The following NEK10 variants were observed in gnomAD, a reference collection of about 807,000 sequenced individuals.
NEK10 encodes the protein NIMA related kinase 10.
A neutral mutation model predicts 159.8 loss-of-function variants in NEK10; 122 were observed. The observed-to-expected ratio is 0.76, with a 90% confidence interval of 0.66 to 0.89. The LOEUF is 0.89. NEK10 is among the 40% of genes least tolerant of loss of function. The pLI, the probability that NEK10 is intolerant of heterozygous loss-of-function variation, is 0.00. For synonymous variants in NEK10, 466 were observed against 457.1 expected (o/e 1.02, Z -0.25); for missense variants, 1,342 against 1,323.1 (o/e 1.01, Z -0.22).
At chr3:27,140,744 A>G (rs1352972735) in intron 31 of NEK10, among the ~76,000 whole-genome samples, 2 of 152,188 alleles carry the variant, frequency 1.3e-5, no homozygotes, top group Non-Finnish European at 2.9e-5. Context: ...TTGCTCGTGG[A>G]TGTATCCCAA....
chr3:27,193,287 A>G (rs1949269213), intron 25 of NEK10, among the ~76,000 whole-genome samples: 1 of 152,194 alleles, frequency 6.6e-6, no homozygotes, highest in Non-Finnish European at 1.5e-5. Flanking sequence ...GGACTACTGA[A>G]AGAGTCTCCT....
At chr3:27,298,206 C>A (rs1477741530) in intron 13 of NEK10, among the ~76,000 whole-genome samples, 1 of 152,156 alleles carries the variant, frequency 6.6e-6, no homozygotes, top group African/African-American at 2.4e-5. Flanking sequence ...CCCCACAATT[C>A]CCACATGTCA....
intron 23 of NEK10, among the ~76,000 whole-genome samples, chr3:27,214,114 A>T (rs893759775): frequency 6.6e-6 from 1 of 152,246 alleles, no homozygotes; most frequent in Non-Finnish European, 1.5e-5. Context: ...AGTTTTAACT[A>T]ATCATCAATC....
intron 30 of NEK10, among the ~76,000 whole-genome samples, chr3:27,153,319 C>CAA (rs34333130): frequency 3.0e-4 from 27 of 90,630 alleles, no homozygotes; most frequent in African/African-American, 6.9e-4. Flanking sequence ...GACTCCATCT[C>CAA]AAAAAAAAAA....
intron 23 of NEK10, among the ~76,000 whole-genome samples, chr3:27,245,424 C>T (rs1006804984): frequency 1.3e-5 from 2 of 152,266 alleles, no homozygotes; most frequent in Non-Finnish European, 1.5e-5. Flanking sequence ...CAAGGCTAGC[C>T]CCAATCGGGC....
chr3:27,108,291 T>TGA lies in NEK10; in HGVS notation c.*2979_*2980dup, dbSNP rs1263732488. Among the ~76,000 whole-genome samples, 2 of 152,208 alleles carry TGA rather than the reference T, an allele frequency of 1.3e-5. No individual in the cohort carries two copies. The highest frequency in any genetic ancestry group is 2.9e-5 in the Non-Finnish European group (2 of 68,034). ...AACAAGCAGCATTTCTCTAGGTTTC[T>TGA]GAAATTCATCCACAAGCAGTGGGTC... On this transcript the variant is annotated 3_prime_UTR_variant, in exon 36 of 36. Coordinates refer to ENST00000691995, the MANE Select transcript of NEK10 (RefSeq NM_001394966.1).
At chr3:27,261,485 G>A (rs2040408188) in intron 22 of NEK10, among the ~76,000 whole-genome samples, 1 of 152,196 alleles carries the variant, frequency 6.6e-6, no homozygotes, top group South Asian at 2.1e-4. Flanking sequence ...TATGTACCCA[G>A]GAGTCATTCA....
rs1939018318 is a variant in NEK10 at position 27,106,645 on chromosome 3, C to T, written c.*4627G>A. On this transcript the variant is annotated 3_prime_UTR_variant, in exon 36 of 36. Coordinates refer to ENST00000691995, the MANE Select transcript of NEK10 (RefSeq NM_001394966.1). Reference sequence around the variant, plus strand: ...ACAGTCTGCCTTAAAGGTGCCAAGGCCTTAAAGCAGTTGTTCCTCTTGGTT... The same window carrying T: ...ACAGTCTGCCTTAAAGGTGCCAAGGTCTTAAAGCAGTTGTTCCTCTTGGTT... Among the ~76,000 whole-genome samples the T allele has an allele frequency of 6.6e-6, 1 of 152,150 alleles. No homozygotes were observed. Among genetic ancestry groups the T allele is most frequent in the Admixed American group, 6.5e-5 (1 of 15,270 alleles).
rs1575664948 is a variant in NEK10 at position 27,305,077 on chromosome 3, T to C, written c.804-106A>G. On this transcript the variant is annotated intron_variant, in intron 11 of 35. Transcript: ENST00000691995. Reference sequence around the variant, plus strand: ...GTGCATGAAATATAACCCTAACATTTTGTAAGTCATGGGTCAATGTGCCAT... The same window carrying C: ...GTGCATGAAATATAACCCTAACATTCTGTAAGTCATGGGTCAATGTGCCAT... 6.9e-6 allele frequency: 5 copies of C among 719,460 alleles called. No individual in the cohort carries two copies. The East Asian group carries it at 1.1e-4, about 16-fold the overall frequency. The allele number at this position is 719,460 out of a possible 1,614,324, so 44.6% of individuals were successfully genotyped here.
chr3:27,229,615 T>C (rs1025023555), intron 23 of NEK10, among the ~76,000 whole-genome samples: 2 of 152,040 alleles, frequency 1.3e-5, no homozygotes, highest in African/African-American at 4.8e-5. Flanking sequence ...CATAAAGAAA[T>C]TTTTTTAATC....
At chr3:27,325,788 G>C (rs1028536033) in intron 5 of NEK10, among the ~76,000 whole-genome samples, 10 of 152,162 alleles carry the variant, frequency 6.6e-5, no homozygotes, top group African/African-American at 2.4e-4. Context: ...CTGGCTCTGT[G>C]GAGAGATGTT....
chr3:27,312,286 T>A, intron 7 of NEK10, 109 bp from the exon 8 acceptor site: 1 of 567,056 alleles, frequency 1.8e-6, no homozygotes. Flanking sequence ...GCAAAACAGA[T>A]TCATCAAATA....
At chr3:27,277,051 TA>T (rs2041824468) in intron 22 of NEK10, among the ~76,000 whole-genome samples, 1 of 152,148 alleles carries the variant, frequency 6.6e-6, no homozygotes, top group Non-Finnish European at 1.5e-5. Flanking sequence ...TCTTTAACAG[TA>T]AAAGCAGATG....
intron 23 of NEK10, among the ~76,000 whole-genome samples, chr3:27,240,350 T>A (rs1042030102): frequency 2.0e-5 from 3 of 152,212 alleles, no homozygotes; most frequent in African/African-American, 7.2e-5. Context: ...CATCACATAT[T>A]TTGTATTTGT....
chr3:27,196,506 G>T (rs944933810), intron 25 of NEK10, among the ~76,000 whole-genome samples: 1 of 152,128 alleles, frequency 6.6e-6, no homozygotes, highest in African/African-American at 2.4e-5. Context: ...AAATTAAATT[G>T]AGTGGAAGAG....
At chr3:27,174,582 C>T (rs1947322171) in intron 27 of NEK10, 57 bp from the exon 28 acceptor site, 1 of 1,600,920 alleles carries the variant, frequency 6.2e-7, no homozygotes, top group Non-Finnish European at 8.5e-7. Context: ...GGAAGGAGTC[C>T]AGAATACATT....
At chr3:27,270,560 T>C (rs2041257307) in intron 22 of NEK10, among the ~76,000 whole-genome samples, 1 of 152,164 alleles carries the variant, frequency 6.6e-6, no homozygotes, top group African/African-American at 2.4e-5. Flanking sequence ...TACCCAGCAA[T>C]GGATAATGAA....
chr3:27,287,391 C>A (rs1035067072), intron 20 of NEK10, among the ~76,000 whole-genome samples: 1 of 152,194 alleles, frequency 6.6e-6, no homozygotes, highest in African/African-American at 2.4e-5. Context: ...AAACCACCAT[C>A]CATTAGTTTT....
chr3:27,158,195 T>C (rs1419650749), intron 30 of NEK10, among the ~76,000 whole-genome samples: 1 of 152,160 alleles, frequency 6.6e-6, no homozygotes, highest in Non-Finnish European at 1.5e-5. Context: ...GAAAACATAG[T>C]TAATACTTCA....
Sources: allele counts gnomAD v4.1 joint callset (sites outside exome capture counted in the v4.1 genomes callset), GRCh38; gene constraint gnomAD v4.1.1; transcripts MANE v1.5; gene names NCBI Gene and HGNC (gene_info 2026-07-23, HGNC 2026-07-21).